The following R3HDML variants were observed in gnomAD, a reference collection of about 807,000 sequenced individuals.
R3HDML encodes the protein peptidase inhibitor R3HDML.
Under a neutral mutation model 24.2 loss-of-function variants are expected in R3HDML, and 21 were observed. The observed-to-expected ratio is 0.87, with a 90% CI of 0.62 to 1.25. The LOEUF (loss-of-function observed/expected upper bound fraction) is 1.25, where lower values mean the gene tolerates loss of function less well. R3HDML is among the 50% of genes most tolerant of loss of function. The pLI is 0.00. For synonymous variants in R3HDML, 133 were observed against 131.5 expected (o/e 1.01, Z -0.08); for missense variants, 301 against 340.3 (o/e 0.88, Z 0.91).
At chr20:44,348,482 C>T (rs1165383655) in intron 4 of R3HDML, among the ~76,000 whole-genome samples, 2 of 135,132 alleles carry the variant, frequency 1.5e-5, no homozygotes, top group African/African-American at 5.5e-5. Flanking sequence ...TTTTCCCTTT[C>T]TCCTTTCCTT....
chr20:44,341,922 G>A (rs2062773408), intron 2 of R3HDML, among the ~76,000 whole-genome samples: 1 of 151,982 alleles, frequency 6.6e-6, no homozygotes, highest in Non-Finnish European at 1.5e-5. Flanking sequence ...TAAAGATAAG[G>A]GGATAAAATA....
At chr20:44,341,167 G>A (rs1186405249) in intron 1 of R3HDML, 29 bp from the exon 2 acceptor site, 2 of 1,573,654 alleles carry the variant, frequency 1.3e-6, no homozygotes, top group Non-Finnish European at 1.7e-6. Flanking sequence ...CAATTCCCCT[G>A]GGGAATTTCA....
Position 44,350,650 on chromosome 20 carries a change from T to C in R3HDML, c.630-10T>C, listed in dbSNP as rs202096350. The C allele has an allele frequency of 8.9e-5, 144 of 1,611,676 alleles. No homozygotes were observed. The highest frequency in any genetic ancestry group is 6.6e-4 in the Middle Eastern group (4 of 6,044). ...GCTCCTCTGTCTCCCTGGGTCCTTT[T>C]CTCTTCCAGGGGCAACTGGATTGGC... On this transcript the variant is annotated splice_polypyrimidine_tract_variant and intron_variant, in intron 4 of 4. Coordinates refer to ENST00000217043, the MANE Select transcript of R3HDML (RefSeq NM_178491.4).
chr20:44,342,435 C>T (rs910960840), intron 2 of R3HDML, among the ~76,000 whole-genome samples: 2 of 152,106 alleles, frequency 1.3e-5, no homozygotes, highest in Admixed American at 1.3e-4. Context: ...AGTCCTGCCT[C>T]CATTTCACTT....
intron 4 of R3HDML, chr20:44,347,954 A>ATTTTTTT (rs35413702): frequency 4.7e-5 from 5 of 105,426 alleles, no homozygotes; most frequent in Non-Finnish European, 7.4e-5. Context: ...ATAGCGTCTA[A>ATTTTTTT]TTTTTTTTTT....
At position 44,350,695 on chromosome 20, in the gene R3HDML, GA is replaced by G. The variant is rs760428056; in HGVS notation, c.668del (p.Lys223SerfsTer23). 6.2e-7 allele frequency: 1 copy of G among 1,613,922 alleles called. No homozygotes were observed. The highest frequency in any genetic ancestry group is 1.1e-5 in the South Asian group (1 of 91,050). On this transcript the variant is annotated frameshift_variant, in exon 5 of 5. Coordinates refer to ENST00000217043, the MANE Select transcript of R3HDML (RefSeq NM_178491.4). LOFTEE classifies it low-confidence loss of function (END_TRUNC). ...ATTGGCGAGTCCCCGTACAAGATGG[GA>G]AAGCCGTGCTCCTCCTGTCCCCCCA... Reference protein sequence around the residue: ...NWIGESPYKMGKPCSSCPPSY... With the variant: ...NWIGESPYKMXKPCSSCPPSY...
intron 1 of R3HDML, among the ~76,000 whole-genome samples, chr20:44,338,933 G>A (rs2062764857): frequency 6.6e-6 from 1 of 152,032 alleles, no homozygotes; most frequent in African/African-American, 2.4e-5. Context: ...TTAGCTGGGT[G>A]TGGTGATGAG....
chr20:44,340,756 C>T (rs1294371419), intron 1 of R3HDML, among the ~76,000 whole-genome samples: 5 of 151,938 alleles, frequency 3.3e-5, no homozygotes, highest in African/African-American at 7.3e-5. Context: ...CAGTGAGCTG[C>T]GATCGCACCA....
At position 44,337,425 on chromosome 20, in the gene R3HDML, C is replaced by T. The variant is rs920161094; in HGVS notation, c.261+7C>T. Reference sequence around the variant, plus strand: ...CGCCAACATGGAATACATGGTGAGTCCCCGTACCTGCCCCCCACCCCCCGC... The same window carrying T: ...CGCCAACATGGAATACATGGTGAGTTCCCGTACCTGCCCCCCACCCCCCGC... On this transcript the variant is annotated splice_region_variant and intron_variant, in intron 1 of 4. Transcript: ENST00000217043. This position sits in a 1 kb window ranked among gnomAD's most constrained non-coding sequence, Gnocchi z 4.7. 2.5e-6 allele frequency: 4 copies of T among 1,606,832 alleles called. No homozygotes were observed. The highest frequency in any genetic ancestry group is 3.4e-6 in the Non-Finnish European group (4 of 1,173,956).
At chr20:44,349,243 A>G (rs575631232) in intron 4 of R3HDML, among the ~76,000 whole-genome samples, 331 of 152,336 alleles carry the variant, frequency 2.2e-3, no homozygotes, top group Non-Finnish European at 4.2e-3. Flanking sequence ...GGTGGCCATG[A>G]CTAGAACCAA....
In R3HDML at chr20:44,350,732, C is replaced by A; in HGVS notation, c.702C>A (p.Gly234=). ...PCSSCPPSYQ[G]SCNSNMCFKG... ...CCTCCTGTCCCCCCAGTTATCAAGG[C>A]AGCTGCAATAGCAACATGTGCTTCA... Residue 234 remains glycine, a synonymous_variant, in exon 5 of 5, where the codon GGC becomes GGA. Transcript: ENST00000217043. 1 of 1,614,092 alleles carries A rather than the reference C, an allele frequency of 6.2e-7. No homozygotes were observed. The highest frequency in any genetic ancestry group is 8.5e-7 in the Non-Finnish European group (1 of 1,179,998).
rs994275376 is a variant in R3HDML at position 44,337,091 on chromosome 20, G to A, written c.-67G>A. Reference sequence around the variant, plus strand: ...AGAACGCTCAGGGTCTGGTGCTCTCGTGCCTGCCCCTTCCAGGCAGCCGGC... The same window carrying A: ...AGAACGCTCAGGGTCTGGTGCTCTCATGCCTGCCCCTTCCAGGCAGCCGGC... On this transcript the variant is annotated 5_prime_UTR_variant, in exon 1 of 5. The change creates a new upstream start codon in the 5' untranslated region. Coordinates refer to ENST00000217043, the MANE Select transcript of R3HDML (RefSeq NM_178491.4). This position sits in a 1 kb window ranked among gnomAD's most constrained non-coding sequence, Gnocchi z 4.7. 2.1e-5 allele frequency: 32 copies of A among 1,543,354 alleles called. No individual in the cohort carries two copies. The highest frequency in any genetic ancestry group is 9.2e-5 in the Admixed American group (5 of 54,382).
chr20:44,350,729 A>G lies in R3HDML; in HGVS notation c.699A>G (p.Gln233=), dbSNP rs1367193509. The G allele has an allele frequency of 6.2e-7, 1 of 1,614,052 alleles. No homozygotes were observed. The highest frequency in any genetic ancestry group is 8.5e-7 in the Non-Finnish European group (1 of 1,180,002). Residue 233 remains glutamine (Q), a synonymous_variant, in exon 5 of 5, where the codon CAA becomes CAG. Transcript: ENST00000217043. ...KPCSSCPPSY[Q]GSCNSNMCFK... ...GCTCCTCCTGTCCCCCCAGTTATCA[A>G]GGCAGCTGCAATAGCAACATGTGCT...
chr20:44,343,669 T>A (rs1421406373), intron 3 of R3HDML, among the ~76,000 whole-genome samples, 160 bp downstream of exon 3: 1 of 152,136 alleles, frequency 6.6e-6, no homozygotes, highest in African/African-American at 2.4e-5. Context: ...CACAATGAAT[T>A]GAGGTGAATC....
intron 2 of R3HDML, among the ~76,000 whole-genome samples, chr20:44,342,605 C>G (rs750000462): frequency 6.6e-5 from 10 of 152,118 alleles, no homozygotes; most frequent in Non-Finnish European, 1.2e-4. Context: ...CCTCTTTAGT[C>G]ATTTATGTAT....
Position 44,337,746 on chromosome 20 carries a change from G to GCCCAAGGTCA in R3HDML, c.261+332_261+333insAGGTCACCCA, listed in dbSNP as rs2062761708. 1.3e-5 allele frequency among the ~76,000 whole-genome samples: 2 copies of GCCCAAGGTCA among 151,640 alleles called. No individual in the cohort carries two copies. The highest frequency in any genetic ancestry group is 4.8e-5 in the African/African-American group (2 of 41,274). ...AAACTGAGACTCAGAGAATTAATTT[G>GCCCAAGGTCA]CCCAGCCAGGATTTCAATCCAGGTC... On this transcript the variant is annotated intron_variant, in intron 1 of 4. Transcript: ENST00000217043. This position sits in a 1 kb window ranked among gnomAD's most constrained non-coding sequence, Gnocchi z 4.7.
intron 4 of R3HDML, among the ~76,000 whole-genome samples, chr20:44,348,476 C>T (rs11698027): frequency 3.0e-4 from 23 of 75,972 alleles, no homozygotes; most frequent in Non-Finnish European, 3.8e-4. Context: ...TTCTCCTTTT[C>T]CCTTTCTCCT....
Position 44,345,060 on chromosome 20 carries a change from T to A in R3HDML, c.514-203T>A, listed in dbSNP as rs1438677253. Reference sequence around the variant, plus strand: ...ACACCTGTAACAATATAAAAATTATTCCTTACTGTTGGTTGTAATAAAAAG... The same window carrying A: ...ACACCTGTAACAATATAAAAATTATACCTTACTGTTGGTTGTAATAAAAAG... On this transcript the variant is annotated intron_variant, in intron 3 of 4. Coordinates refer to ENST00000217043, the MANE Select transcript of R3HDML (RefSeq NM_178491.4). 1.5e-5 allele frequency: 9 copies of A among 582,308 alleles called. No homozygotes were observed. The East Asian group carries it at 2.6e-4, about 17-fold the overall frequency. The allele number at this position is 582,308 out of a possible 1,614,324, so 36.1% of individuals were successfully genotyped here. A position where few individuals can be genotyped will look rare whatever the true frequency, so the allele number is the denominator to read the frequency against.
At chr20:44,349,607 C>T (rs1257672714) in intron 4 of R3HDML, among the ~76,000 whole-genome samples, 2 of 152,170 alleles carry the variant, frequency 1.3e-5, no homozygotes, top group Non-Finnish European at 2.9e-5. Context: ...GGTCACTCAA[C>T]AATCACGTTT....
Sources: allele counts gnomAD v4.1 joint callset (sites outside exome capture counted in the v4.1 genomes callset), GRCh38; gene constraint gnomAD v4.1.1; non-coding constraint Gnocchi (gnomAD v3.1); transcripts MANE v1.5; gene names NCBI Gene and HGNC (gene_info 2026-07-23, HGNC 2026-07-21).